Variants in PDE4D observed in about 807,000 individuals in gnomAD.
PDE4D encodes phosphodiesterase 4D.
PDE4D carries 24 observed loss-of-function variants against 87.4 expected under a neutral mutation model. That is an observed-to-expected ratio of 0.27 (90% CI 0.20 to 0.39). PDE4D has a LOEUF of 0.39. PDE4D is among the 10% of genes least tolerant of loss of function. The pLI is 1.00. For synonymous variants in PDE4D, 384 were observed against 383.2 expected, an observed-to-expected ratio of 1.00 and a Z score of -0.02; for missense variants, 714 against 1,041.0, an observed-to-expected ratio of 0.69 and a Z score of 4.32.
intron 1 of PDE4D, among the ~76,000 whole-genome samples, chr5:59,756,900 C>T (rs1436479916): frequency 1.3e-5 from 2 of 150,308 alleles, no homozygotes; most frequent in Non-Finnish European, 3.0e-5. Context: ...TAGGTTCCAG[C>T]GATTCTCCTG....
chr5:59,876,720 T>C (rs1748655411), intron 1 of PDE4D, among the ~76,000 whole-genome samples: 1 of 152,142 alleles, frequency 6.6e-6, no homozygotes. Context: ...CTCTTCTATA[T>C]GAGGAACAAT....
At chr5:60,161,800 G>A (rs949385606) in intron 2 of PDE4D, among the ~76,000 whole-genome samples, 8 of 152,060 alleles carry the variant, frequency 5.3e-5, no homozygotes, top group African/African-American at 9.7e-5. Context: ...CAAAGGCTTC[G>A]CACATTCTCA....
At chr5:59,811,613 C>A (rs1457397458) in intron 1 of PDE4D, among the ~76,000 whole-genome samples, 1 of 152,174 alleles carries the variant, frequency 6.6e-6, no homozygotes, top group Non-Finnish European at 1.5e-5. Context: ...TGTCCCCAGC[C>A]TCTCTGCCTT....
intron 1 of PDE4D, among the ~76,000 whole-genome samples, chr5:59,383,020 G>A (rs1303608556): frequency 2.0e-5 from 3 of 152,130 alleles, no homozygotes; most frequent in Non-Finnish European, 4.4e-5. Flanking sequence ...AAGCATGGAA[G>A]AGCTTTAAGC....
intron 11 of PDE4D, among the ~76,000 whole-genome samples, chr5:58,987,702 T>C (rs1425275538): frequency 1.3e-5 from 2 of 152,228 alleles, no homozygotes; most frequent in African/African-American, 2.4e-5. Flanking sequence ...ATTTTTTATA[T>C]ATAAAAGTGA....
In PDE4D at chr5:59,425,372, AT is replaced by A. The variant is rs1795041671; in HGVS notation, c.456-209405del. ...CACTACTGACATTCTGGGTCAAATA[AT>A]TTTTTGTTGTGAGAGGCTGTCGTGT... On this transcript the variant is annotated intron_variant, in intron 1 of 14. Coordinates refer to ENST00000340635, the MANE Select transcript of PDE4D (RefSeq NM_001104631.2). Among the ~76,000 whole-genome samples, 3 of 152,242 alleles carry A rather than the reference AT, an allele frequency of 2.0e-5. No individual in the cohort carries two copies. The South Asian group carries it at 6.2e-4, about 32-fold the overall frequency.
chr5:59,631,429 T>A (rs1371355595), intron 1 of PDE4D, among the ~76,000 whole-genome samples: 1 of 152,108 alleles, frequency 6.6e-6, no homozygotes, highest in Non-Finnish European at 1.5e-5. Context: ...AATTTTAAGA[T>A]CATTATTTTT....
chr5:59,910,575 T>C (rs1363258570), intron 3 of PDE4D, among the ~76,000 whole-genome samples: 4 of 152,218 alleles, frequency 2.6e-5, no homozygotes, highest in African/African-American at 7.2e-5. Flanking sequence ...TGTTGGCTGA[T>C]TCAAGTGGGA....
At chr5:59,978,799 C>A (rs558441630) in intron 3 of PDE4D, among the ~76,000 whole-genome samples, 1 of 152,206 alleles carries the variant, frequency 6.6e-6, no homozygotes, top group East Asian at 1.9e-4. Flanking sequence ...ATTGTCACAG[C>A]CACCCCAATC....
At chr5:59,031,401 T>C (rs1757459129) in intron 6 of PDE4D, among the ~76,000 whole-genome samples, 1 of 105,376 alleles carries the variant, frequency 9.5e-6, no homozygotes, top group Non-Finnish European at 2.0e-5. Context: ...ATTATATATA[T>C]ATATATATAT....
chr5:59,235,971 A>G (rs1167330054), intron 1 of PDE4D, among the ~76,000 whole-genome samples: 1 of 152,220 alleles, frequency 6.6e-6, no homozygotes, highest in African/African-American at 2.4e-5. Flanking sequence ...TATTCTGAAG[A>G]ATATTTCAGA....
intron 1 of PDE4D, among the ~76,000 whole-genome samples, chr5:60,432,218 CGTT>C (rs1250299831): frequency 1.3e-5 from 2 of 152,076 alleles, no homozygotes; most frequent in African/African-American, 2.4e-5. Flanking sequence ...GAAGTTTTTA[CGTT>C]GTTGTTATGT....
At chr5:59,297,195 G>A (rs930867299) in intron 1 of PDE4D, among the ~76,000 whole-genome samples, 8 of 152,132 alleles carry the variant, frequency 5.3e-5, no homozygotes, top group African/African-American at 1.7e-4. Context: ...ACATTTTCAC[G>A]ACAGCTTCAG....
intron 3 of PDE4D, among the ~76,000 whole-genome samples, 155 bp downstream of exon 3, chr5:59,193,345 T>C (rs1027524062): frequency 1.3e-5 from 2 of 152,236 alleles, no homozygotes; most frequent in African/African-American, 4.8e-5. Flanking sequence ...AGTCACTTTC[T>C]CTAGCATTGC....
At chr5:59,692,697 T>C (rs1751168116) in intron 1 of PDE4D, among the ~76,000 whole-genome samples, 1 of 152,140 alleles carries the variant, frequency 6.6e-6, no homozygotes, top group Non-Finnish European at 1.5e-5. Flanking sequence ...GCTCAAGCCC[T>C]ACATAGAAGC....
chr5:59,228,873 G>A (rs1160184044), intron 1 of PDE4D, among the ~76,000 whole-genome samples: 1 of 152,014 alleles, frequency 6.6e-6, no homozygotes, highest in Non-Finnish European at 1.5e-5. Flanking sequence ...TCCCTCCCCA[G>A]GGCCTTTGGA....
intron 1 of PDE4D, among the ~76,000 whole-genome samples, chr5:59,667,358 C>T (rs1365320176): frequency 2.0e-5 from 3 of 152,094 alleles, no homozygotes; most frequent in African/African-American, 7.2e-5. Flanking sequence ...GTCGCTCAGG[C>T]TAGAATGCAG....
chr5:59,135,196 T>C (rs542485470), intron 5 of PDE4D, among the ~76,000 whole-genome samples: 290 of 152,218 alleles, frequency 1.9e-3, no homozygotes, highest in Non-Finnish European at 3.4e-3. Context: ...CTGAGGAGAG[T>C]AGATGTGGTA....
At chr5:59,679,855 C>T (rs1214601753) in intron 1 of PDE4D, among the ~76,000 whole-genome samples, 2 of 151,972 alleles carry the variant, frequency 1.3e-5, no homozygotes, top group Non-Finnish European at 2.9e-5. Flanking sequence ...CATATTATTG[C>T]TTTACTTTAC....
Sources: allele counts gnomAD v4.1 joint callset (sites outside exome capture counted in the v4.1 genomes callset), GRCh38; gene constraint gnomAD v4.1.1; transcripts MANE v1.5; gene names NCBI Gene and HGNC (gene_info 2026-07-23, HGNC 2026-07-21).